The following LY6K variants were observed in gnomAD, a reference collection of about 807,000 sequenced individuals.
The protein encoded by LY6K is lymphocyte antigen 6K.
Under a neutral mutation model 10.4 loss-of-function variants are expected in LY6K, and 9 were observed. The observed-to-expected ratio is 0.87, with a 90% CI of 0.52 to 1.52. LY6K has a LOEUF of 1.52. LY6K is among the 40% of genes most tolerant of loss of function. The pLI, the probability that LY6K is intolerant of heterozygous loss-of-function variation, is 0.00. For synonymous variants in LY6K, 98 were observed against 83.7 expected, an observed-to-expected ratio of 1.17 and a Z score of -0.94; for missense variants, 217 against 211.7, an observed-to-expected ratio of 1.02 and a Z score of -0.15.
At chr8:142,702,206 C>T in intron 2 of LY6K, 1 of 470,674 alleles carries the variant, frequency 2.1e-6, no homozygotes, top group South Asian at 2.7e-5. Flanking sequence ...ACAGTGGGTC[C>T]AGATGAAATA....
rs1554640517 is a variant in LY6K, at chr8:142,703,391, C to G, written c.*20C>G. On this transcript the variant is annotated 3_prime_UTR_variant, in exon 3 of 3. Coordinates refer to ENST00000292430, the MANE Select transcript of LY6K (RefSeq NM_017527.4). Reference sequence around the variant, plus strand: ...TCTTGAGCCACGGGACTGCCACAGACTGAGCCTTCCGGAGCATGGACTCGC... The same window carrying G: ...TCTTGAGCCACGGGACTGCCACAGAGTGAGCCTTCCGGAGCATGGACTCGC... 6.3e-7 allele frequency: 1 copy of G among 1,596,516 alleles called. No homozygotes were observed. Among genetic ancestry groups the G allele is most frequent in the East Asian group, 2.2e-5 (1 of 44,602 alleles).
chr8:142,702,391 A>T, intron 2 of LY6K: 1 of 1,153,190 alleles, frequency 8.7e-7, no homozygotes, highest in Non-Finnish European at 1.2e-6. Context: ...TGCATGCCTT[A>T]AAAATTGTGG....
chr8:142,703,317 G>C lies in LY6K; in HGVS notation c.444G>C (p.Trp148Cys). Residue 148 changes from tryptophan (W) to cysteine (C), a missense_variant, in exon 3 of 3, where the codon TGG becomes TGC. Trp to Cys is a radical substitution (Grantham distance 215, BLOSUM62 -2). Transcript: ENST00000292430. ...GSMGESCGGL[W>C]LAILLLLASI... The stretch of plus-strand genomic sequence containing the variant: ...TGGGTGAGAGCTGTGGTGGGCTGTG[G>C]CTGGCCATCCTCCTGCTGCTGGCCT... 6.2e-7 allele frequency: 1 copy of C among 1,613,236 alleles called. No individual in the cohort carries two copies. The highest frequency in any genetic ancestry group is 1.3e-5 in the African/African-American group (1 of 75,036).
At chr8:142,701,197 G>A (rs2129923125) in intron 1 of LY6K, among the ~76,000 whole-genome samples, 1 of 152,366 alleles carries the variant, frequency 6.6e-6, no homozygotes, top group African/African-American at 2.4e-5. Context: ...GTGCGCTCAT[G>A]TTGTGTGCTT....
At chr8:142,700,854 G>A (rs587680225) in intron 1 of LY6K, among the ~76,000 whole-genome samples, 2 of 152,164 alleles carry the variant, frequency 1.3e-5, no homozygotes, top group South Asian at 2.1e-4. Flanking sequence ...CGCTCCGGCC[G>A]CGCTTCCCCG....
Position 142,700,463 on chromosome 8 carries a change from G to A in LY6K, c.-65G>A. On this transcript the variant is annotated 5_prime_UTR_variant, in exon 1 of 3. Coordinates refer to ENST00000292430, the MANE Select transcript of LY6K (RefSeq NM_017527.4). Reference sequence around the variant, plus strand: ...CCGGGGAGAGGCGCGCGGAGGCTGCGAAGGTTCCAGAAGGGCGGGGAGGGG... The same window carrying A: ...CCGGGGAGAGGCGCGCGGAGGCTGCAAAGGTTCCAGAAGGGCGGGGAGGGG... 6.6e-7 allele frequency: 1 copy of A among 1,512,862 alleles called. No homozygotes were observed. Among genetic ancestry groups the A allele is most frequent in the Non-Finnish European group, 8.8e-7 (1 of 1,132,188 alleles). The allele number at this position is 1,512,862 out of a possible 1,614,324, so 93.7% of individuals were successfully genotyped here.
intron 2 of LY6K, chr8:142,702,859 C>T: frequency 1.9e-6 from 3 of 1,539,378 alleles, no homozygotes; most frequent in South Asian, 1.2e-5. Context: ...CCTAGACCCG[C>T]ATTCCCAGTG....
intron 2 of LY6K, chr8:142,702,726 C>T: frequency 6.7e-7 from 1 of 1,493,126 alleles, no homozygotes; most frequent in Non-Finnish European, 8.9e-7. Flanking sequence ...CACCAAGAGG[C>T]CAGCTCCACA....
At position 142,703,524 on chromosome 8, in the gene LY6K, T is replaced by C. The variant is rs1454776103; in HGVS notation, c.*153T>C. The C allele has an allele frequency of 1.2e-6, 1 of 854,266 alleles. No homozygotes were observed. The highest frequency in any genetic ancestry group is 1.8e-6 in the Non-Finnish European group (1 of 570,096). The allele number at this position is 854,266 out of a possible 1,614,324, so 52.9% of individuals were successfully genotyped here. A position where few individuals can be genotyped will look rare whatever the true frequency, so the allele number is the denominator to read the frequency against. On this transcript the variant is annotated 3_prime_UTR_variant, in exon 3 of 3. Transcript: ENST00000292430. ...AGAGTGGGGATCAGGTGCAGTTGGC[T>C]CTTAACCCTCAAGGGTTCTTTAACT...
Position 142,700,373 on chromosome 8 carries a change from G to C in LY6K, c.-155G>C, listed in dbSNP as rs372019972. Reference sequence around the variant, plus strand: ...CCTGAGATGAGGCTCCAAAGACCCCGACAGGCCCCGGCGGGTGGGAGGCGC... The same window carrying C: ...CCTGAGATGAGGCTCCAAAGACCCCCACAGGCCCCGGCGGGTGGGAGGCGC... On this transcript the variant is annotated 5_prime_UTR_variant, in exon 1 of 3. Transcript: ENST00000292430. The C allele has an allele frequency of 7.4e-5, 99 of 1,336,022 alleles. 1 individual carries two copies. In the African/African-American group the frequency reaches 1.4e-3, roughly 19 times the overall value. The allele number at this position is 1,336,022 out of a possible 1,614,324, so 82.8% of individuals were successfully genotyped here. A position where few individuals can be genotyped will look rare whatever the true frequency, so the allele number is the denominator to read the frequency against.
chr8:142,701,965 A>G (rs1318573538), intron 2 of LY6K: 2 of 392,420 alleles, frequency 5.1e-6, no homozygotes, highest in Admixed American at 8.1e-5. Context: ...GCGCGCCACC[A>G]CACTGGCTAA....
Position 142,702,451 on chromosome 8 carries a change from G to C in LY6K, c.218-640G>C, listed in dbSNP as rs982852783. The C allele has an allele frequency of 2.0e-6, 3 of 1,527,062 alleles. No homozygotes were observed. The African/African-American group carries it at 4.1e-5, about 21-fold the overall frequency. 94.6% of individuals were successfully genotyped at this position (1,527,062 alleles called of 1,614,324 possible). On this transcript the variant is annotated intron_variant, in intron 2 of 2. Coordinates refer to ENST00000292430, the MANE Select transcript of LY6K (RefSeq NM_017527.4). ...TTCCCCTGAAAACCTCTGGGTACAT[G>C]AAGCCCTCCCCAAGGGGAATCTGGA...
Position 142,700,294 on chromosome 8 carries a change from C to A in LY6K, c.-234C>A. On this transcript the variant is annotated 5_prime_UTR_variant, in exon 1 of 3. Transcript: ENST00000292430. ...GCCTGGCCGCCGGCCGCTCCAACAG[C>A]AGCACAAGGCGGGACTCAGAACCGG... The A allele has an allele frequency of 2.4e-6, 3 of 1,240,348 alleles. No homozygotes were observed. The highest frequency in any genetic ancestry group is 3.0e-6 in the Non-Finnish European group (3 of 987,094). The allele number at this position is 1,240,348 out of a possible 1,614,324, so 76.8% of individuals were successfully genotyped here. A position where few individuals can be genotyped will look rare whatever the true frequency, so the allele number is the denominator to read the frequency against.
chr8:142,701,941 C>T (rs1815053543), intron 2 of LY6K: 1 of 465,062 alleles, frequency 2.2e-6, no homozygotes, highest in Non-Finnish European at 3.9e-6. Flanking sequence ...TCCAGAGTAG[C>T]TGGTATTATG....
Position 142,701,470 on chromosome 8 carries a change from G to A in LY6K, c.104-130G>A, listed in dbSNP as rs1034749766. ...CCATGCGGCTCACTCGAGTCATGTG[G>A]CCCCAGCCACTGCTCAGGGGGAGAA... On this transcript the variant is annotated intron_variant, in intron 1 of 2. Transcript: ENST00000292430. 6.0e-6 allele frequency: 4 copies of A among 664,498 alleles called. No homozygotes were observed. In the African/African-American group the frequency reaches 7.1e-5, roughly 12 times the overall value. 41.2% of individuals were successfully genotyped at this position (664,498 alleles called of 1,614,324 possible).
intron 2 of LY6K, 44 bp from the exon 3 acceptor site, chr8:142,703,047 T>C: frequency 6.2e-7 from 1 of 1,608,744 alleles, no homozygotes; most frequent in South Asian, 1.1e-5. Flanking sequence ...TGTCAGGCAT[T>C]GGAATTGCGT....
intron 1 of LY6K, among the ~76,000 whole-genome samples, chr8:142,700,976 C>T (rs749669643): frequency 3.3e-5 from 5 of 152,054 alleles, no homozygotes; most frequent in African/African-American, 1.2e-4. Context: ...CTAGGCCAGG[C>T]CCAACCCAGA....
intron 1 of LY6K, 29 bp downstream of exon 1, chr8:142,700,659 G>T (rs1343373045): frequency 2.6e-5 from 38 of 1,463,922 alleles, no homozygotes; most frequent in Non-Finnish European, 3.1e-5. Flanking sequence ...CCACAGCCAC[G>T]GGCCGAGAGG....
chr8:142,702,962 G>T, intron 2 of LY6K, 129 bp from the exon 3 acceptor site: 2 of 1,554,086 alleles, frequency 1.3e-6, no homozygotes, highest in Non-Finnish European at 1.7e-6. Flanking sequence ...ACTCCCCCTT[G>T]GTGCCCCAGT....
Sources: gnomAD v4.1 joint callset for allele counts (sites outside exome capture counted in the v4.1 genomes callset) on GRCh38, gnomAD v4.1.1 for gene constraint, MANE v1.5 for transcripts, NCBI Gene and HGNC (gene_info 2026-07-23, HGNC 2026-07-21) for gene names.